Variants in PDGFC observed in about 807,000 individuals in gnomAD.
PDGFC encodes platelet-derived growth factor C.
In PDGFC, 12 loss-of-function variants were observed where a neutral mutation model predicts 35.5. That is an observed-to-expected ratio of 0.34 (90% CI 0.22 to 0.55). PDGFC has a LOEUF of 0.55. Ranked by LOEUF, PDGFC falls within the 20% of genes least tolerant of loss-of-function variation. The pLI is 0.91. For synonymous variants in PDGFC, 159 were observed against 148.8 expected (o/e 1.07, Z -0.50); for missense variants, 322 against 412.4 (o/e 0.78, Z 1.90).
chr4:156,918,142 ATATTTT>A (rs1416283882), intron 1 of PDGFC, among the ~76,000 whole-genome samples: 5 of 152,200 alleles, frequency 3.3e-5, no homozygotes, highest in African/African-American at 1.2e-4. Context: ...ACATGTCATT[ATATTTT>A]TGTCTCAGGA....
intron 1 of PDGFC, among the ~76,000 whole-genome samples, chr4:156,870,205 C>T (rs1476237708): frequency 1.3e-5 from 2 of 152,114 alleles, no homozygotes; most frequent in African/African-American, 4.8e-5. Flanking sequence ...ATCTCTCTAA[C>T]ATGTCTTCTT....
intron 1 of PDGFC, among the ~76,000 whole-genome samples, chr4:156,946,411 T>A (rs1007945149): frequency 6.6e-6 from 1 of 152,110 alleles, no homozygotes; most frequent in Non-Finnish European, 1.5e-5. Flanking sequence ...GATGATTTCA[T>A]TTATCAATAA....
At chr4:156,933,308 C>A (rs1731597385) in intron 1 of PDGFC, among the ~76,000 whole-genome samples, 1 of 152,174 alleles carries the variant, frequency 6.6e-6, no homozygotes. Context: ...GGTGAATTCA[C>A]CTACTGGCTA....
At chr4:156,912,077 G>A (rs1483200016) in intron 1 of PDGFC, among the ~76,000 whole-genome samples, 1 of 152,082 alleles carries the variant, frequency 6.6e-6, no homozygotes, top group Non-Finnish European at 1.5e-5. Flanking sequence ...AACAGAAACC[G>A]AGAGCAAATT....
chr4:156,764,202 G>A (rs1430499668), intron 5 of PDGFC, among the ~76,000 whole-genome samples: 1 of 152,096 alleles, frequency 6.6e-6, no homozygotes, highest in Non-Finnish European at 1.5e-5. Context: ...TCCTAAAAAT[G>A]TTCATTAATC....
intron 1 of PDGFC, among the ~76,000 whole-genome samples, chr4:156,962,374 C>T (rs1732363856): frequency 6.6e-6 from 1 of 152,128 alleles, no homozygotes; most frequent in Non-Finnish European, 1.5e-5. Context: ...AACTTTTCTC[C>T]TTCAACTTCC....
At chr4:156,849,409 T>A (rs568539852) in intron 2 of PDGFC, among the ~76,000 whole-genome samples, 32 of 152,110 alleles carry the variant, frequency 2.1e-4, no homozygotes, top group Non-Finnish European at 4.0e-4. Context: ...TACCATGAGA[T>A]GAAAATTCTC....
At chr4:156,793,845 A>G (rs1313799562) in intron 3 of PDGFC, among the ~76,000 whole-genome samples, 5 of 150,946 alleles carry the variant, frequency 3.3e-5, no homozygotes, top group African/African-American at 4.9e-5. Context: ...AAAACTGCCC[A>G]GGTTTATATA....
At chr4:156,785,350 C>T (rs994547072) in intron 3 of PDGFC, among the ~76,000 whole-genome samples, 5 of 152,086 alleles carry the variant, frequency 3.3e-5, no homozygotes, top group Middle Eastern at 3.4e-3. Flanking sequence ...TACAGGGGTC[C>T]GCCACCACAC....
chr4:156,935,194 C>T (rs1428185147), intron 1 of PDGFC, among the ~76,000 whole-genome samples: 1 of 152,122 alleles, frequency 6.6e-6, no homozygotes, highest in Non-Finnish European at 1.5e-5. Context: ...GACGGGGTTT[C>T]ACCATGTTGG....
At chr4:156,938,804 A>G (rs1478968659) in intron 1 of PDGFC, among the ~76,000 whole-genome samples, 1 of 150,594 alleles carries the variant, frequency 6.6e-6, no homozygotes, top group African/African-American at 2.5e-5. Flanking sequence ...TGAACATACT[A>G]ATATAATAGC....
At chr4:156,902,320 C>T (rs2110769706) in intron 1 of PDGFC, among the ~76,000 whole-genome samples, 1 of 152,226 alleles carries the variant, frequency 6.6e-6, no homozygotes, top group South Asian at 2.1e-4. Flanking sequence ...TCTTAATATT[C>T]TGTCAAATTT....
chr4:156,819,516 G>C (rs1393506963), intron 2 of PDGFC, among the ~76,000 whole-genome samples: 1 of 152,160 alleles, frequency 6.6e-6, no homozygotes, highest in Non-Finnish European at 1.5e-5. Context: ...AAGCCTGGAT[G>C]ATGGCACATT....
At chr4:156,870,476 T>C (rs1370527973) in intron 1 of PDGFC, among the ~76,000 whole-genome samples, 1 of 152,170 alleles carries the variant, frequency 6.6e-6, no homozygotes, top group Admixed American at 6.5e-5. Context: ...ATTATTATCT[T>C]CTACTTCATA....
At chr4:156,866,568 A>T (rs565579757) in intron 1 of PDGFC, among the ~76,000 whole-genome samples, 7 of 151,966 alleles carry the variant, frequency 4.6e-5, no homozygotes, top group Non-Finnish European at 1.0e-4. Flanking sequence ...TTTATTTAAG[A>T]TCTATCCTCT....
intron 1 of PDGFC, among the ~76,000 whole-genome samples, chr4:156,968,568 G>T (rs1308746479): frequency 6.6e-6 from 1 of 152,096 alleles, no homozygotes; most frequent in Admixed American, 6.5e-5. Flanking sequence ...AACAAATCTG[G>T]TTACATTCCA....
rs573451000 is a variant in PDGFC at position 156,851,887 on chromosome 4, C to T, written c.119-1471G>A. Among the ~76,000 whole-genome samples the T allele has an allele frequency of 2.2e-5, 3 of 139,108 alleles. No homozygotes were observed. In the South Asian group the frequency reaches 6.9e-4, roughly 32 times the overall value. The allele number at this position is 139,108 out of a possible 152,430, so 91.3% of individuals were successfully genotyped here. A position where few individuals can be genotyped will look rare whatever the true frequency, so the allele number is the denominator to read the frequency against. ...CGGAGCTTGCAGTGAGGGGAGATCC[C>T]GCCACTGCACTCCAGCCTGGGCGAC... On this transcript the variant is annotated intron_variant, in intron 1 of 5. Transcript: ENST00000502773.
rs544941756 is a variant in PDGFC at position 156,888,695 on chromosome 4, T to G, written c.119-38279A>C. Among the ~76,000 whole-genome samples the G allele has an allele frequency of 5.9e-5, 9 of 152,324 alleles. No individual in the cohort carries two copies. The South Asian group carries it at 1.7e-3, about 28-fold the overall frequency. On this transcript the variant is annotated intron_variant, in intron 1 of 5. Transcript: ENST00000502773. ...AATTCACATCACTTTTTTCTTAGTC[T>G]TTCATTTTTTCTCCAATGTCCCTGC...
At chr4:156,897,843 A>G (rs139624542) in intron 1 of PDGFC, among the ~76,000 whole-genome samples, 2 of 152,242 alleles carry the variant, frequency 1.3e-5, no homozygotes, top group African/African-American at 2.4e-5. Context: ...AACTAAGAAC[A>G]TAAGTAACTA....
Sources: gnomAD v4.1 joint callset for allele counts (sites outside exome capture counted in the v4.1 genomes callset) on GRCh38, gnomAD v4.1.1 for gene constraint, MANE v1.5 for transcripts, NCBI Gene and HGNC (gene_info 2026-07-23, HGNC 2026-07-21) for gene names.